GMEB2: variants seen among roughly 807,000 people sequenced by gnomAD.
GMEB2 encodes the protein glucocorticoid modulatory element binding protein 2.
GMEB2 carries 7 observed loss-of-function variants against 45.7 expected under a neutral mutation model. The ratio of observed to expected loss-of-function variants is 0.15; its 90% CI spans 0.09 to 0.29. The LOEUF (loss-of-function observed/expected upper bound fraction) is 0.29. Among genes scored for constraint, GMEB2 ranks in the 10% least tolerant of loss-of-function variants. The pLI, the probability that GMEB2 is intolerant of heterozygous loss-of-function variation, is 1.00. For missense variants in GMEB2, 582 were observed against 739.2 expected, an observed-to-expected ratio of 0.79 and a Z score of 2.47; for synonymous variants, 322 against 323.6, an observed-to-expected ratio of 1.00 and a Z score of 0.05.
chr20:63,619,287 C>T lies in GMEB2; in HGVS notation c.111G>A (p.Thr37=), dbSNP rs570854527. 80 of 1,611,338 alleles carry T rather than the reference C, an allele frequency of 5.0e-5. 1 individual carries two copies. In the South Asian group the frequency reaches 7.5e-4, roughly 15 times the overall value. The change falls in exon 2 of 10, where the codon ACG becomes ACA. Residue 37 remains threonine (T), a synonymous_variant. Transcript: ENST00000370077. The surrounding 1 kb of genome is among the most constrained non-coding windows in gnomAD (Gnocchi z 4.6). ...CTTACCCGTGAGGGGCCAAGTTGGTCGTCACCAACACGGTCTTCACCCCCT... is the reference window on the plus strand; with the variant it reads ...CTTACCCGTGAGGGGCCAAGTTGGTTGTCACCAACACGGTCTTCACCCCCT... ...GVEGVKTVLV[T]TNLAPHGGDL... is the part of the protein sequence containing the mutation.
chr20:63,589,139 G>T lies in GMEB2; in HGVS notation c.*950C>A. 1 of 399,048 alleles carries T rather than the reference G, an allele frequency of 2.5e-6. No individual in the cohort carries two copies. The highest frequency in any genetic ancestry group is 1.3e-4 in the South Asian group (1 of 7,848). The allele number at this position is 399,048 out of a possible 1,614,324, so 24.7% of individuals were successfully genotyped here. ...CATGGGAATCCTCGACCTCCATAGT[G>T]ACTGGTTCTGTTTATGCCTCTGCCC... On this transcript the variant is annotated 3_prime_UTR_variant, in exon 10 of 10. Transcript: ENST00000370077.
chr20:63,599,530 G>A (rs1438571760), intron 4 of GMEB2, among the ~76,000 whole-genome samples: 8 of 152,134 alleles, frequency 5.3e-5, no homozygotes, highest in Admixed American at 2.0e-4. Context: ...GTCGTCACTC[G>A]CCACACAGTG....
chr20:63,600,516 G>A (rs961789949), intron 4 of GMEB2, among the ~76,000 whole-genome samples: 27 of 151,086 alleles, frequency 1.8e-4, no homozygotes, highest in Non-Finnish European at 2.7e-4. Context: ...TCAGGAGTTC[G>A]GGCTCAGCCT....
chr20:63,626,230 A>ATCACTGTGGGTCTCGTCCCTGTGGGGGGG, intron 1 of GMEB2, among the ~76,000 whole-genome samples: 1 of 146,882 alleles, frequency 6.8e-6, no homozygotes, highest in Non-Finnish European at 1.5e-5. Context: ...CAGTGGGGTG[A>ATCACTGTGGGTCTCGTCCCTGTGGGGGGG]TCCCTGCGGG....
At position 63,593,444 on chromosome 20, in the gene GMEB2, C is replaced by T. The variant is rs188719; in HGVS notation, c.620-362G>A. ...GAGACAAGGTGATCCTTCTGCTTGA[C>T]TTGTTTTCCCACCGAGAGCTCTGCG... On this transcript the variant is annotated intron_variant, in intron 6 of 9. Coordinates refer to ENST00000370077, the MANE Select transcript of GMEB2 (RefSeq NM_012384.5). This position sits in a 1 kb window ranked among gnomAD's most constrained non-coding sequence, Gnocchi z 4.7. Among the ~76,000 whole-genome samples the T allele has an allele frequency of 0.52, 77,861 of 150,418 alleles. 20,945 individuals are homozygous for T. Among genetic ancestry groups the T allele is most frequent in the Middle Eastern group, 0.67 (190 of 284 alleles).
chr20:63,589,891 G>A lies in GMEB2; in HGVS notation c.*198C>T. 6.9e-6 allele frequency: 3 copies of A among 436,422 alleles called. No homozygotes were observed. The highest frequency in any genetic ancestry group is 2.0e-5 in the African/African-American group (1 of 49,416). 27.0% of individuals were successfully genotyped at this position (436,422 alleles called of 1,614,324 possible). A position where few individuals can be genotyped will look rare whatever the true frequency, so the allele number is the denominator to read the frequency against. ...AGGGGGAGGAAACGTGGGACCTGAA[G>A]ACCGATTTTCCAGGTTGCTCTCGCT... On this transcript the variant is annotated 3_prime_UTR_variant, in exon 10 of 10. Transcript: ENST00000370077.
intron 2 of GMEB2, among the ~76,000 whole-genome samples, chr20:63,607,484 T>C (rs201033805): frequency 1.8e-4 from 3 of 16,790 alleles, no homozygotes; most frequent in South Asian, 1.6e-3. Flanking sequence ...CCTCCATTTC[T>C]AGAAACATGC....
chr20:63,604,826 T>G lies in GMEB2; in HGVS notation c.146A>C (p.Glu49Ala). ...NLAPHGGDLT[E>A]DNMETENAAA... ...TGCATTTTCTGTCTCCATGTTATCT[T>G]CCGTCAGGTCGCCCCTGGTGAAGTG... Residue 49 changes from glutamate to alanine, a missense_variant, in exon 3 of 10, where the codon GAA becomes GCA. Glu to Ala is a moderately radical substitution (Grantham distance 107). Around this residue, in one of 3 missense-constraint regions of GMEB2, gnomAD observed 114 missense variants for 123.4 expected, o/e 0.92. Coordinates refer to ENST00000370077, the MANE Select transcript of GMEB2 (RefSeq NM_012384.5). 6.2e-7 allele frequency: 1 copy of G among 1,607,194 alleles called. No homozygotes were observed. The highest frequency in any genetic ancestry group is 8.5e-7 in the Non-Finnish European group (1 of 1,173,782).
intron 2 of GMEB2, among the ~76,000 whole-genome samples, chr20:63,611,950 G>C (rs2146083417): frequency 6.6e-6 from 1 of 152,186 alleles, no homozygotes; most frequent in East Asian, 1.9e-4. Context: ...CAGCTACTCA[G>C]GAGGCTGAGG....
At chr20:63,618,523 G>A (rs1221852342) in intron 2 of GMEB2, among the ~76,000 whole-genome samples, 1 of 152,206 alleles carries the variant, frequency 6.6e-6, no homozygotes, top group African/African-American at 2.4e-5. Context: ...CACAGGGGTT[G>A]GCAGTCTAGA....
At position 63,590,237 on chromosome 20, in the gene GMEB2, C is replaced by G. The variant is rs745479741; in HGVS notation, c.1445G>C (p.Gly482Ala). Residue 482 changes from glycine to alanine, a missense_variant, in exon 10 of 10, where the codon GGC (glycine) becomes GCC (alanine). By Grantham distance (60) the Gly-to-Ala change is moderately conservative. Coordinates refer to ENST00000370077, the MANE Select transcript of GMEB2 (RefSeq NM_012384.5). ...CACGTTCTGCAGGGTGGGGCCCAGG[C>G]CAGGCAACGTGAGCAGCTGTAGCGG... ...VSPLQLLTLP[G>A]LGPTLQNVAQ... The G allele has an allele frequency of 4.3e-6, 7 of 1,611,706 alleles. No homozygotes were observed. Among genetic ancestry groups the G allele is most frequent in the Admixed American group, 3.3e-5 (2 of 59,968 alleles).
At chr20:63,618,582 T>C (rs575051943) in intron 2 of GMEB2, among the ~76,000 whole-genome samples, 2 of 152,264 alleles carry the variant, frequency 1.3e-5, no homozygotes, top group Admixed American at 6.5e-5. Flanking sequence ...TGCTCAGTGA[T>C]ATGCTAGGTC....
At chr20:63,612,962 TTTTC>T (rs1277345688) in intron 2 of GMEB2, among the ~76,000 whole-genome samples, 1 of 151,980 alleles carries the variant, frequency 6.6e-6, no homozygotes, top group African/African-American at 2.4e-5. Flanking sequence ...CTTTCTTTCT[TTTTC>T]TTTTTTTTTT....
intron 1 of GMEB2, among the ~76,000 whole-genome samples, chr20:63,625,154 G>T (rs1217559648): frequency 6.6e-6 from 1 of 152,074 alleles, no homozygotes; most frequent in Non-Finnish European, 1.5e-5. Flanking sequence ...CCAAGGGCGA[G>T]CACCCCCTCC....
chr20:63,594,718 C>T (rs2083178988), intron 6 of GMEB2, among the ~76,000 whole-genome samples: 1 of 152,136 alleles, frequency 6.6e-6, no homozygotes, highest in African/African-American at 2.4e-5. Flanking sequence ...AGAGATGTGA[C>T]CAGGGAGCCC....
At chr20:63,598,250 G>A (rs1342989820) in intron 4 of GMEB2, among the ~76,000 whole-genome samples, 2 of 152,066 alleles carry the variant, frequency 1.3e-5, no homozygotes, top group Non-Finnish European at 2.9e-5. Flanking sequence ...ACAGATGCCA[G>A]CACATGGGTG....
intron 3 of GMEB2, among the ~76,000 whole-genome samples, chr20:63,603,639 G>C (rs1021987995): frequency 2.0e-5 from 3 of 152,180 alleles, no homozygotes; most frequent in Admixed American, 6.5e-5. Flanking sequence ...TGAGGCAGGA[G>C]GCTGAGGCAG....
rs79973571 is a variant in GMEB2 at position 63,592,298 on chromosome 20, G to C, written c.830-154C>G. On this transcript the variant is annotated intron_variant, in intron 8 of 9. Transcript: ENST00000370077. The surrounding 1 kb of genome is among the most constrained non-coding windows in gnomAD (Gnocchi z 8.2). ...TAGAGAGTGAGAACACCACCACTGAGGCTGCTCCTCAGGAACCCAGCCAGC... is the reference window on the plus strand; with the variant it reads ...TAGAGAGTGAGAACACCACCACTGACGCTGCTCCTCAGGAACCCAGCCAGC... 1.4e-3 allele frequency among the ~76,000 whole-genome samples: 219 copies of C among 152,270 alleles called. No homozygotes were observed. The highest frequency in any genetic ancestry group is 5.2e-3 in the African/African-American group (216 of 41,570).
intron 2 of GMEB2, among the ~76,000 whole-genome samples, chr20:63,618,876 C>A (rs2089626384): frequency 6.6e-6 from 1 of 152,206 alleles, no homozygotes; most frequent in Non-Finnish European, 1.5e-5. Flanking sequence ...TTGAATCGGA[C>A]ATCTGGTACA....
Sources: allele counts gnomAD v4.1 joint callset (sites outside exome capture counted in the v4.1 genomes callset), GRCh38; gene constraint gnomAD v4.1.1; regional missense constraint gnomAD v4.1.1; non-coding constraint Gnocchi (gnomAD v3.1); transcripts MANE v1.5; gene names NCBI Gene and HGNC (gene_info 2026-07-23, HGNC 2026-07-21).